MAN1A1: variants seen among roughly 807,000 people sequenced by gnomAD.
The protein encoded by MAN1A1 is mannosidase alpha class 1A member 1.
In MAN1A1, 29 loss-of-function variants were observed where a neutral mutation model predicts 70.8. The ratio of observed to expected loss-of-function variants is 0.41; its 90% CI spans 0.31 to 0.56. MAN1A1 has a LOEUF of 0.56. MAN1A1 is among the 20% of genes least tolerant of loss of function. The probability of loss-of-function intolerance (pLI) is 0.29; values close to 1 mark genes in which losing one functional copy is unlikely to be tolerated. For synonymous variants in MAN1A1, 349 were observed against 330.1 expected, an observed-to-expected ratio of 1.06 and a Z score of -0.62; for missense variants, 747 against 841.3, an observed-to-expected ratio of 0.89 and a Z score of 1.39.
intron 6 of MAN1A1, among the ~76,000 whole-genome samples, chr6:119,211,812 A>G (rs1224921975): frequency 1.3e-5 from 2 of 149,688 alleles, no homozygotes; most frequent in East Asian, 3.9e-4. Flanking sequence ...TGTTAAGCTT[A>G]TCTTTTTTTT....
chr6:119,333,450 T>C (rs1437270726), intron 2 of MAN1A1, among the ~76,000 whole-genome samples: 1 of 152,176 alleles, frequency 6.6e-6, no homozygotes, highest in Non-Finnish European at 1.5e-5. Flanking sequence ...ACATATATAA[T>C]ACCACTTCTG....
At chr6:119,271,836 C>T (rs1775933600) in intron 5 of MAN1A1, among the ~76,000 whole-genome samples, 1 of 152,066 alleles carries the variant, frequency 6.6e-6, no homozygotes, top group Non-Finnish European at 1.5e-5. Flanking sequence ...TACCTATAGG[C>T]TCAAAATTTG....
At position 119,298,798 on chromosome 6, in the gene MAN1A1, A is replaced by T. The variant is rs528574689; in HGVS notation, c.816+3190T>A. Reference sequence around the variant, plus strand: ...TTTTCAGTAGAGACGGGGTTTCGCCATGTTAGCCAGGATGGTCTTAATCTC... The same window carrying T: ...TTTTCAGTAGAGACGGGGTTTCGCCTTGTTAGCCAGGATGGTCTTAATCTC... On this transcript the variant is annotated intron_variant, in intron 4 of 12. Transcript: ENST00000368468. Among the ~76,000 whole-genome samples the T allele has an allele frequency of 3.3e-5, 5 of 151,974 alleles. No individual in the cohort carries two copies. The East Asian group carries it at 9.7e-4, about 29-fold the overall frequency.
intron 6 of MAN1A1, among the ~76,000 whole-genome samples, chr6:119,234,058 T>C (rs1021100922): frequency 6.6e-6 from 1 of 152,228 alleles, no homozygotes; most frequent in Non-Finnish European, 1.5e-5. Context: ...GCTGATTTTT[T>C]TTCTGTGACA....
intron 6 of MAN1A1, among the ~76,000 whole-genome samples, chr6:119,236,568 C>T (rs1031931376): frequency 2.6e-5 from 4 of 151,768 alleles, no homozygotes; most frequent in East Asian, 1.9e-4. Flanking sequence ...ATTAGCTAGG[C>T]GGGGTGGTGG....
chr6:119,268,939 A>G (rs1775836030), intron 5 of MAN1A1, among the ~76,000 whole-genome samples: 1 of 152,146 alleles, frequency 6.6e-6, no homozygotes, highest in African/African-American at 2.4e-5. Context: ...ACTACGCCTG[A>G]ACAATTCTTA....
chr6:119,276,829 T>C (rs1291141483), intron 5 of MAN1A1, among the ~76,000 whole-genome samples: 1 of 152,194 alleles, frequency 6.6e-6, no homozygotes, highest in Non-Finnish European at 1.5e-5. Flanking sequence ...CACAAGTAAA[T>C]GCATCAACCT....
Position 119,272,922 on chromosome 6 carries a change from C to T in MAN1A1, c.897+17761G>A, listed in dbSNP as rs547916000. Among the ~76,000 whole-genome samples, 5 of 152,066 alleles carry T rather than the reference C, an allele frequency of 3.3e-5. No individual in the cohort carries two copies. In the East Asian group the frequency reaches 9.7e-4, roughly 29 times the overall value. On this transcript the variant is annotated intron_variant, in intron 5 of 12. Coordinates refer to ENST00000368468, the MANE Select transcript of MAN1A1 (RefSeq NM_005907.4). ...TGTGAACTGAGGATAATATTAACAGCTAATAGATGTTGTTGTAAATAAACA... is the reference window on the plus strand; with the variant it reads ...TGTGAACTGAGGATAATATTAACAGTTAATAGATGTTGTTGTAAATAAACA...
intron 6 of MAN1A1, among the ~76,000 whole-genome samples, chr6:119,209,393 C>T (rs961447519): frequency 1.3e-5 from 2 of 152,154 alleles, no homozygotes; most frequent in Non-Finnish European, 2.9e-5. Context: ...TGTAAACAAA[C>T]TTCATTCAAG....
chr6:119,242,244 C>T (rs1775032785), intron 6 of MAN1A1, among the ~76,000 whole-genome samples: 1 of 152,092 alleles, frequency 6.6e-6, no homozygotes, highest in South Asian at 2.1e-4. Context: ...CCTTTTAAAA[C>T]CTAATCGGCT....
At chr6:119,191,919 G>T (rs939188492) in intron 9 of MAN1A1, among the ~76,000 whole-genome samples, 4 of 152,132 alleles carry the variant, frequency 2.6e-5, no homozygotes, top group Non-Finnish European at 5.9e-5. Flanking sequence ...TGCTGTATAA[G>T]ACAATGCTAC....
At chr6:119,273,870 T>C (rs188992854) in intron 5 of MAN1A1, among the ~76,000 whole-genome samples, 1 of 152,264 alleles carries the variant, frequency 6.6e-6, no homozygotes, top group African/African-American at 2.4e-5. Flanking sequence ...ATAAAGTGGG[T>C]AAATGCTGAT....
At chr6:119,186,045 C>T (rs1008965521) in intron 11 of MAN1A1, among the ~76,000 whole-genome samples, 3 of 152,028 alleles carry the variant, frequency 2.0e-5, no homozygotes, top group African/African-American at 7.2e-5. Flanking sequence ...AACCTGCTGT[C>T]TTCGGATAAT....
chr6:119,233,457 C>G (rs1465452894), intron 6 of MAN1A1, among the ~76,000 whole-genome samples: 1 of 152,106 alleles, frequency 6.6e-6, no homozygotes, highest in Non-Finnish European at 1.5e-5. Context: ...TAAAGAGGAT[C>G]AAAGTCCACT....
intron 5 of MAN1A1, among the ~76,000 whole-genome samples, chr6:119,268,290 C>T (rs1775814890): frequency 6.6e-6 from 1 of 152,290 alleles, no homozygotes; most frequent in East Asian, 1.9e-4. Context: ...ACTTCTTCTT[C>T]TTTAAAAGCA....
At chr6:119,225,666 T>A (rs931763644) in intron 6 of MAN1A1, among the ~76,000 whole-genome samples, 1 of 151,998 alleles carries the variant, frequency 6.6e-6, no homozygotes, top group Admixed American at 6.6e-5. Flanking sequence ...ATTACATACA[T>A]GGAAACAATG....
intron 6 of MAN1A1, among the ~76,000 whole-genome samples, chr6:119,234,883 G>A (rs1196980164): frequency 6.6e-6 from 1 of 152,136 alleles, no homozygotes; most frequent in African/African-American, 2.4e-5. Context: ...CTAACAGCCT[G>A]TGCTCACGTT....
chr6:119,189,938 A>G (rs1208096096), intron 9 of MAN1A1, 55 bp from the exon 10 acceptor site: 2 of 1,328,568 alleles, frequency 1.5e-6, no homozygotes, highest in Admixed American at 1.9e-5. Context: ...AATTTATACT[A>G]AAAATATGCC....
At chr6:119,227,937 T>A (rs1357831682) in intron 6 of MAN1A1, among the ~76,000 whole-genome samples, 2 of 152,200 alleles carry the variant, frequency 1.3e-5, no homozygotes, top group Non-Finnish European at 2.9e-5. Context: ...GAATGCACTA[T>A]ATATAGAGAA....
Sources: allele counts gnomAD v4.1 joint callset (sites outside exome capture counted in the v4.1 genomes callset), GRCh38; gene constraint gnomAD v4.1.1; transcripts MANE v1.5; gene names NCBI Gene and HGNC (gene_info 2026-07-23, HGNC 2026-07-21).